IGSF5: variants seen among roughly 807,000 people sequenced by gnomAD.
IGSF5 encodes the protein immunoglobulin superfamily 5 like.
Under a neutral mutation model 39.4 loss-of-function variants are expected in IGSF5, and 41 were observed. The ratio of observed to expected loss-of-function variants is 1.04; its 90% confidence interval spans 0.81 to 1.35. IGSF5 has a LOEUF of 1.35. Ranked by LOEUF, IGSF5 falls within the 40% of genes most tolerant of loss-of-function variation. IGSF5 has a pLI of 0.00. For missense variants in IGSF5, 487 were observed against 494.6 expected, an observed-to-expected ratio of 0.98 and a Z score of 0.15; for synonymous variants, 183 against 175.3, an observed-to-expected ratio of 1.04 and a Z score of -0.34.
the IGSF5 span, among the ~76,000 whole-genome samples, chr21:39,721,696 T>G: frequency 6.6e-6 from 1 of 150,432 alleles, no homozygotes; most frequent in Non-Finnish European, 1.5e-5. Context: ...CCTTCCTTCC[T>G]TCCTTCCTTC....
At chr21:39,788,062 T>TGCGTCACA in intron 5 of IGSF5, 105 bp from the exon 6 acceptor site, 1 of 812,176 alleles carries the variant, frequency 1.2e-6, no homozygotes, top group Non-Finnish European at 2.0e-6. Flanking sequence ...TCACAAATAC[T>TGCGTCACA]AATGTTGGGT....
At chr21:39,756,722 A>G (rs2080032274) in intron 2 of IGSF5, among the ~76,000 whole-genome samples, 2 of 152,292 alleles carry the variant, frequency 1.3e-5, no homozygotes, top group South Asian at 2.1e-4. Flanking sequence ...TGTTCAGCAC[A>G]TAGGTGATCT....
chr21:39,714,416 C>T, the IGSF5 span, among the ~76,000 whole-genome samples: 1 of 152,152 alleles, frequency 6.6e-6, no homozygotes, highest in African/African-American at 2.4e-5. Context: ...CTTGGCTTAC[C>T]CCACTGTGAT....
the IGSF5 span, among the ~76,000 whole-genome samples, chr21:39,728,487 C>T: frequency 6.6e-6 from 1 of 152,278 alleles, no homozygotes; most frequent in South Asian, 2.1e-4. Flanking sequence ...GGCCTTCCCA[C>T]ATCTTGATCT....
At chr21:39,768,569 T>C (rs1169716161) in intron 3 of IGSF5, among the ~76,000 whole-genome samples, 2 of 152,174 alleles carry the variant, frequency 1.3e-5, no homozygotes, top group Non-Finnish European at 2.9e-5. Context: ...CACACCAAAC[T>C]CTAGACCTCT....
At chr21:39,726,989 G>T in the IGSF5 span, among the ~76,000 whole-genome samples, 1 of 152,214 alleles carries the variant, frequency 6.6e-6, no homozygotes, top group Non-Finnish European at 1.5e-5. Context: ...GAGGGCCAAT[G>T]CTCCCCAGGG....
rs1295852113 is a variant in IGSF5 at position 39,754,587 on chromosome 21, CT to C, written c.100+8290del. Among the ~76,000 whole-genome samples, 6 of 152,268 alleles carry C rather than the reference CT, an allele frequency of 3.9e-5. No individual in the cohort carries two copies. In the East Asian group the frequency reaches 1.2e-3, roughly 29 times the overall value. On this transcript the variant is annotated intron_variant, in intron 2 of 8. Transcript: ENST00000380588. ...GCTGATCTTCTGAGTGTGTTTGCCTCTCGTCAGGACAGGGAGGAATTGGTGG... is the reference window on the plus strand; with the variant it reads ...GCTGATCTTCTGAGTGTGTTTGCCTCCGTCAGGACAGGGAGGAATTGGTGG...
Position 39,767,818 on chromosome 21 carries a change from G to T in IGSF5, c.418+1966G>T, listed in dbSNP as rs111917263. 3.0e-3 allele frequency among the ~76,000 whole-genome samples: 453 copies of T among 152,288 alleles called. 1 individual carries two copies. Among genetic ancestry groups the T allele is most frequent in the Non-Finnish European group, 4.3e-3 (290 of 68,024 alleles). The stretch of plus-strand genomic sequence containing the variant: ...TCCAGTCGGGAGGGGAGCTGACAGA[G>T]TCAATAAAGCCTTCATGGATGATTT... On this transcript the variant is annotated intron_variant, in intron 3 of 8. Coordinates refer to ENST00000380588, the MANE Select transcript of IGSF5 (RefSeq NM_001080444.2).
At chr21:39,724,039 C>G in the IGSF5 span, among the ~76,000 whole-genome samples, 5 of 151,210 alleles carry the variant, frequency 3.3e-5, no homozygotes, top group Admixed American at 2.6e-4. Flanking sequence ...GCACTCCAGT[C>G]TGGGCAACAG....
chr21:39,712,998 C>T, the IGSF5 span, among the ~76,000 whole-genome samples: 1 of 152,204 alleles, frequency 6.6e-6, no homozygotes. Flanking sequence ...CTCATTACGT[C>T]TTTCAGGGGC....
intron 2 of IGSF5, among the ~76,000 whole-genome samples, chr21:39,757,092 C>T (rs2080034538): frequency 6.6e-6 from 1 of 151,622 alleles, no homozygotes; most frequent in Non-Finnish European, 1.5e-5. Context: ...GAAAGTTCTT[C>T]CTGCAGGTGT....
chr21:39,748,191 A>G (rs1480910776), intron 2 of IGSF5, among the ~76,000 whole-genome samples: 1 of 151,074 alleles, frequency 6.6e-6, no homozygotes, highest in Non-Finnish European at 1.5e-5. Context: ...AGGTGCCAGC[A>G]GAGTCAGCGT....
At chr21:39,754,491 A>T (rs2080020408) in intron 2 of IGSF5, among the ~76,000 whole-genome samples, 1 of 152,116 alleles carries the variant, frequency 6.6e-6, no homozygotes. Flanking sequence ...CAATAATCCA[A>T]AAATAAGGGG....
chr21:39,781,520 CGT>C (rs1179835249), intron 5 of IGSF5, among the ~76,000 whole-genome samples: 1 of 152,138 alleles, frequency 6.6e-6, no homozygotes, highest in Non-Finnish European at 1.5e-5. Flanking sequence ...TCAAAAGCTA[CGT>C]GTGTATGTAG....
chr21:39,762,532 C>G (rs2080066303), intron 2 of IGSF5, among the ~76,000 whole-genome samples: 1 of 152,046 alleles, frequency 6.6e-6, no homozygotes, highest in Admixed American at 6.6e-5. Context: ...GTTGCAGGCA[C>G]AGAGAGAATA....
intron 6 of IGSF5, among the ~76,000 whole-genome samples, chr21:39,789,081 C>T (rs774009044): frequency 6.6e-6 from 1 of 152,088 alleles, no homozygotes; most frequent in Non-Finnish European, 1.5e-5. Context: ...TGACTTAGGG[C>T]AAGGGAAGAG....
intron 8 of IGSF5, among the ~76,000 whole-genome samples, chr21:39,801,040 C>A (rs995020737): frequency 2.0e-5 from 3 of 152,208 alleles, no homozygotes; most frequent in African/African-American, 7.2e-5. Context: ...AAAACAAATA[C>A]TGATTCTTGG....
intron 2 of IGSF5, among the ~76,000 whole-genome samples, chr21:39,748,328 T>TTTTG (rs2079986349): frequency 8.2e-6 from 1 of 122,172 alleles, no homozygotes; most frequent in African/African-American, 3.9e-5. Context: ...TTTTTTTTTT[T>TTTTG]GAGACAGCGT....
chr21:39,748,932 C>T (rs184281861), intron 2 of IGSF5, among the ~76,000 whole-genome samples: 1 of 152,144 alleles, frequency 6.6e-6, no homozygotes, highest in Non-Finnish European at 1.5e-5. Context: ...ACAAATGAGA[C>T]AAGTGTCTGG....
Sources: gnomAD v4.1 joint callset for allele counts (sites outside exome capture counted in the v4.1 genomes callset) on GRCh38, gnomAD v4.1.1 for gene constraint, MANE v1.5 for transcripts, NCBI Gene and HGNC (gene_info 2026-07-23, HGNC 2026-07-21) for gene names.